Variants in PARD3B observed in about 807,000 individuals in gnomAD.
PARD3B encodes partitioning defective 3 homolog B.
In PARD3B, 103 loss-of-function variants were observed where a neutral mutation model predicts 130.2. That is an observed-to-expected ratio of 0.79 (90% CI 0.67 to 0.93). The LOEUF (loss-of-function observed/expected upper bound fraction) is 0.93. PARD3B is among the 40% of genes least tolerant of loss of function. The pLI is 0.00. For synonymous variants in PARD3B, 583 were observed against 553.2 expected (o/e 1.05, Z -0.76); for missense variants, 1,609 against 1,499.2 (o/e 1.07, Z -1.21).
intron 1 of PARD3B, among the ~76,000 whole-genome samples, chr2:204,578,331 G>A (rs902437865): frequency 1.3e-5 from 2 of 152,102 alleles, no homozygotes; most frequent in Admixed American, 6.5e-5. Context: ...CTCTGCTTGC[G>A]TGGACTCACA....
chr2:204,973,263 T>C (rs1691859866), intron 3 of PARD3B, among the ~76,000 whole-genome samples: 1 of 152,242 alleles, frequency 6.6e-6, no homozygotes, highest in African/African-American at 2.4e-5. Flanking sequence ...TTAAATTACT[T>C]ATCTGTATTA....
At position 205,300,540 on chromosome 2, in the gene PARD3B, C is replaced by A; in HGVS notation, c.2196C>A (p.Ser732Arg). 6.2e-7 allele frequency: 1 copy of A among 1,613,338 alleles called. No homozygotes were observed. Among genetic ancestry groups the A allele is most frequent in the Non-Finnish European group, 8.5e-7 (1 of 1,179,732 alleles). ...SLAGQKSESP[S>R]KDFGPTLGLK... The stretch of plus-strand genomic sequence containing the variant: ...CCCTTTCTTTTCCAGAATCTCCAAG[C>A]AAAGATTTTGGTCCAACTCTGGGTT... Residue 732 changes from serine (S) to arginine (R), a missense_variant, in exon 17 of 23, where the codon AGC becomes AGA. Physicochemically the swap from Ser to Arg is moderately radical, Grantham distance 110. Transcript: ENST00000406610. The surrounding 1 kb of genome is among the most constrained non-coding windows in gnomAD (Gnocchi z 4.1).
chr2:205,228,794 T>G (rs1325449809), intron 15 of PARD3B, among the ~76,000 whole-genome samples: 1 of 142,068 alleles, frequency 7.0e-6, no homozygotes, highest in Admixed American at 6.9e-5. Context: ...CTTCATTGTT[T>G]TTTTATTCTT....
chr2:204,612,665 T>G (rs1489737429), intron 1 of PARD3B, among the ~76,000 whole-genome samples: 1 of 152,166 alleles, frequency 6.6e-6, no homozygotes, highest in African/African-American at 2.4e-5. Context: ...TATTTTAAAT[T>G]TATTTTAAAC....
intron 2 of PARD3B, among the ~76,000 whole-genome samples, chr2:204,796,699 G>C (rs1183051139): frequency 1.3e-5 from 2 of 152,218 alleles, no homozygotes; most frequent in Non-Finnish European, 2.9e-5. Flanking sequence ...GTGAAGCCTA[G>C]AGGTTCATTA....
intron 2 of PARD3B, among the ~76,000 whole-genome samples, chr2:204,865,781 T>C (rs1212574600): frequency 6.6e-6 from 1 of 152,030 alleles, no homozygotes; most frequent in Non-Finnish European, 1.5e-5. Context: ...AAAAACCTAT[T>C]GAAAGAAAAA....
chr2:204,771,753 A>T (rs935324600), intron 2 of PARD3B, among the ~76,000 whole-genome samples: 7 of 152,132 alleles, frequency 4.6e-5, no homozygotes, highest in African/African-American at 1.7e-4. Context: ...ATTCATACCT[A>T]TGGATTTTAT....
chr2:205,295,570 G>A (rs1172368057), intron 16 of PARD3B, among the ~76,000 whole-genome samples: 2 of 152,172 alleles, frequency 1.3e-5, no homozygotes, highest in African/African-American at 2.4e-5. Context: ...CTAGCTGGAA[G>A]AAAAACTTGC....
intron 2 of PARD3B, among the ~76,000 whole-genome samples, chr2:204,869,683 T>C (rs1227651215): frequency 3.3e-5 from 5 of 152,084 alleles, no homozygotes; most frequent in African/African-American, 7.2e-5. Context: ...TCTTGTTACA[T>C]TGGGCTGAGA....
In PARD3B at chr2:205,176,723, G is replaced by A; in HGVS notation, c.1924+146G>A. On this transcript the variant is annotated intron_variant, in intron 13 of 22. Transcript: ENST00000406610. This position sits in a 1 kb window ranked among gnomAD's most constrained non-coding sequence, Gnocchi z 5.3. ...ACTCGGAGTCACAAACACTGAGAGAGTTGGGGGAGAGCTGACTCAGAACTT... is the reference window on the plus strand; with the variant it reads ...ACTCGGAGTCACAAACACTGAGAGAATTGGGGGAGAGCTGACTCAGAACTT... 1.1e-6 allele frequency: 1 copy of A among 910,598 alleles called. No homozygotes were observed. Among genetic ancestry groups the A allele is most frequent in the Non-Finnish European group, 1.6e-6 (1 of 644,386 alleles). The allele number at this position is 910,598 out of a possible 1,614,324, so 56.4% of individuals were successfully genotyped here. A position where few individuals can be genotyped will look rare whatever the true frequency, so the allele number is the denominator to read the frequency against.
rs940070633 is a variant in PARD3B, at chr2:204,846,603, A to G, written c.223-118549A>G. ...GTTAGTGTCTTATAAGAAGAGTTATAAGAGAACTTGTGCTCTTTCTGTTTC... is the reference window on the plus strand; with the variant it reads ...GTTAGTGTCTTATAAGAAGAGTTATGAGAGAACTTGTGCTCTTTCTGTTTC... On this transcript the variant is annotated intron_variant, in intron 2 of 22. Coordinates refer to ENST00000406610, the MANE Select transcript of PARD3B (RefSeq NM_001302769.2). 2.1e-4 allele frequency among the ~76,000 whole-genome samples: 31 copies of G among 151,046 alleles called. No homozygotes were observed. In the Admixed American group the frequency reaches 2.1e-3, roughly 10 times the overall value.
chr2:204,609,502 G>A (rs1168046886), intron 1 of PARD3B, among the ~76,000 whole-genome samples: 6 of 152,180 alleles, frequency 3.9e-5, no homozygotes, highest in African/African-American at 1.4e-4. Flanking sequence ...TATGGAAGAT[G>A]TACATTGGTT....
At chr2:204,880,657 CA>C (rs746023895) in intron 2 of PARD3B, among the ~76,000 whole-genome samples, 2,314 of 55,406 alleles carry the variant, frequency 0.042, 11 homozygotes, top group South Asian at 0.093. Flanking sequence ...GACTCCATCT[CA>C]AAAAAAAAAA....
At chr2:205,331,428 C>T (rs926690435) in intron 18 of PARD3B, among the ~76,000 whole-genome samples, 35 of 152,112 alleles carry the variant, frequency 2.3e-4, no homozygotes, top group Non-Finnish European at 4.7e-4. Context: ...CTCATCTGGG[C>T]TAGGGTGGAG....
At chr2:204,581,069 A>G (rs939514896) in intron 1 of PARD3B, among the ~76,000 whole-genome samples, 1 of 152,210 alleles carries the variant, frequency 6.6e-6, no homozygotes, top group Non-Finnish European at 1.5e-5. Context: ...ATACAAGCCA[A>G]TAGATGTATC....
intron 2 of PARD3B, among the ~76,000 whole-genome samples, chr2:204,751,099 T>C (rs897116128): frequency 6.6e-6 from 1 of 152,194 alleles, no homozygotes; most frequent in Non-Finnish European, 1.5e-5. Flanking sequence ...CAGCAAGAGG[T>C]AGAAGAGCGT....
intron 2 of PARD3B, among the ~76,000 whole-genome samples, chr2:204,828,255 A>G (rs1386879439): frequency 6.6e-6 from 1 of 152,052 alleles, no homozygotes; most frequent in African/African-American, 2.4e-5. Context: ...GAATTCTGCC[A>G]TATTTCATTT....
chr2:205,259,980 T>A (rs2040239295), intron 16 of PARD3B, among the ~76,000 whole-genome samples: 1 of 152,184 alleles, frequency 6.6e-6, no homozygotes, highest in Admixed American at 6.5e-5. Context: ...TTTACTAATT[T>A]GTGCATAAAA....
At position 205,142,639 on chromosome 2, in the gene PARD3B, G is replaced by A. The variant is rs558275104; in HGVS notation, c.1435-16083G>A. On this transcript the variant is annotated intron_variant, in intron 10 of 22. Coordinates refer to ENST00000406610, the MANE Select transcript of PARD3B (RefSeq NM_001302769.2). The surrounding 1 kb of genome is among the most constrained non-coding windows in gnomAD (Gnocchi z 4.3). ...TCACGCCTGTAATCCCAACACTTTGGGAGGCCGAGGTGGGCGGATCAAGAG... is the reference window on the plus strand; with the variant it reads ...TCACGCCTGTAATCCCAACACTTTGAGAGGCCGAGGTGGGCGGATCAAGAG... Among the ~76,000 whole-genome samples the A allele has an allele frequency of 3.2e-4, 49 of 152,248 alleles. No homozygotes were observed. Among genetic ancestry groups the A allele is most frequent in the African/African-American group, 1.2e-3 (48 of 41,548 alleles).
Sources: allele counts gnomAD v4.1 joint callset (sites outside exome capture counted in the v4.1 genomes callset), GRCh38; gene constraint gnomAD v4.1.1; non-coding constraint Gnocchi (gnomAD v3.1); transcripts MANE v1.5; gene names NCBI Gene and HGNC (gene_info 2026-07-23, HGNC 2026-07-21).